CSMD1: variants seen among roughly 807,000 people sequenced by gnomAD.
The protein encoded by CSMD1 is CUB and sushi domain-containing protein 1.
A neutral mutation model predicts 417.5 loss-of-function variants in CSMD1; 213 were observed. The ratio of observed to expected loss-of-function variants is 0.51; its 90% CI spans 0.46 to 0.57. CSMD1 has a LOEUF of 0.57. CSMD1 is among the 20% of genes least tolerant of loss of function. The pLI is 0.00. For synonymous variants in CSMD1, 2,862 were observed against 1,736.8 expected (o/e 1.65, Z -16.11); for missense variants, 6,923 against 4,529.7 (o/e 1.53, Z -15.17).
intron 3 of CSMD1, among the ~76,000 whole-genome samples, chr8:4,082,298 A>G (rs902759067): frequency 1.6e-4 from 25 of 152,326 alleles, no homozygotes; most frequent in Middle Eastern, 3.4e-3. Flanking sequence ...GAGCAGACGT[A>G]TAAGAAAAAT....
chr8:4,023,886 G>A (rs1450711105), intron 4 of CSMD1, among the ~76,000 whole-genome samples: 1 of 147,752 alleles, frequency 6.8e-6, no homozygotes, highest in Admixed American at 7.0e-5. Context: ...CAAAGTGCTG[G>A]GATTACAGGC....
intron 26 of CSMD1, among the ~76,000 whole-genome samples, chr8:3,249,188 G>C (rs1190460359): frequency 4.6e-5 from 7 of 152,092 alleles, no homozygotes; most frequent in African/African-American, 1.7e-4. Flanking sequence ...ACGATATGAA[G>C]AATCAAGATG....
At chr8:4,117,490 C>T (rs954814337) in intron 3 of CSMD1, among the ~76,000 whole-genome samples, 3 of 152,254 alleles carry the variant, frequency 2.0e-5, no homozygotes, top group South Asian at 2.1e-4. Context: ...ACTCAATGTG[C>T]TATAAATCAT....
At chr8:3,461,506 T>G (rs982768723) in intron 12 of CSMD1, among the ~76,000 whole-genome samples, 4 of 152,154 alleles carry the variant, frequency 2.6e-5, no homozygotes, top group Non-Finnish European at 5.9e-5. Flanking sequence ...AGGAGCTGAT[T>G]GAGATCTCTG....
At chr8:4,578,041 C>G (rs1026119446) in intron 2 of CSMD1, among the ~76,000 whole-genome samples, 4 of 152,148 alleles carry the variant, frequency 2.6e-5, no homozygotes, top group Non-Finnish European at 5.9e-5. Context: ...GGACTGTGTA[C>G]TCATTAATGT....
At chr8:4,585,450 T>C (rs1419891170) in intron 2 of CSMD1, among the ~76,000 whole-genome samples, 1 of 151,958 alleles carries the variant, frequency 6.6e-6, no homozygotes, top group Non-Finnish European at 1.5e-5. Flanking sequence ...ATGGGCAAAA[T>C]AATAAATAAC....
At chr8:4,166,947 T>C (rs752067349) in intron 3 of CSMD1, among the ~76,000 whole-genome samples, 9 of 152,216 alleles carry the variant, frequency 5.9e-5, no homozygotes, top group Admixed American at 2.6e-4. Context: ...GTGGCCACCA[T>C]GTCAGACAGC....
At chr8:4,745,117 T>C (rs552034332) in intron 1 of CSMD1, among the ~76,000 whole-genome samples, 13 of 152,308 alleles carry the variant, frequency 8.5e-5, no homozygotes, top group South Asian at 2.1e-4. Flanking sequence ...TCAAAATCCA[T>C]ACATTTAAAT....
intron 3 of CSMD1, among the ~76,000 whole-genome samples, chr8:4,397,367 G>C (rs1459731278): frequency 1.3e-5 from 2 of 152,012 alleles, no homozygotes; most frequent in Admixed American, 6.6e-5. Context: ...AGTCGAAAAA[G>C]ATATAATCTT....
intron 5 of CSMD1, among the ~76,000 whole-genome samples, chr8:3,801,855 T>G (rs1800475867): frequency 6.6e-6 from 1 of 152,010 alleles, no homozygotes; most frequent in Admixed American, 6.6e-5. Context: ...TTAAAGTAAG[T>G]CAATGAAAAA....
chr8:4,647,946 T>C (rs1563367142), intron 1 of CSMD1, among the ~76,000 whole-genome samples: 1 of 152,222 alleles, frequency 6.6e-6, no homozygotes, highest in Non-Finnish European at 1.5e-5. Context: ...ATGGGATTGC[T>C]GGTCAAATGG....
chr8:4,862,974 C>G (rs942611950), intron 1 of CSMD1, among the ~76,000 whole-genome samples: 2 of 151,812 alleles, frequency 1.3e-5, no homozygotes, highest in African/African-American at 2.4e-5. Context: ...GTCAGGGTGC[C>G]CAAGAGGGAA....
chr8:4,530,293 C>A (rs1796737245), intron 2 of CSMD1, among the ~76,000 whole-genome samples: 1 of 118,274 alleles, frequency 8.5e-6, no homozygotes, highest in Admixed American at 9.4e-5. Context: ...ATATTGTTCA[C>A]AGTTTATCGT....
At chr8:4,746,945 G>C (rs893072044) in intron 1 of CSMD1, among the ~76,000 whole-genome samples, 1 of 152,164 alleles carries the variant, frequency 6.6e-6, no homozygotes, top group African/African-American at 2.4e-5. Context: ...TGATTCAAAT[G>C]CCATCCCAAA....
rs113797348 is a variant in CSMD1, at chr8:2,972,528, T to C, written c.8923+589A>G. Among the ~76,000 whole-genome samples the C allele has an allele frequency of 2.2e-3, 330 of 152,316 alleles. 1 individual carries two copies. The highest frequency in any genetic ancestry group is 7.6e-3 in the African/African-American group (315 of 41,574). On this transcript the variant is annotated intron_variant, in intron 57 of 69. Coordinates refer to ENST00000635120, the MANE Select transcript of CSMD1 (RefSeq NM_033225.6). ...CCTTTGCTTGAGGCTACATTTCTGATACACAGTGCAGTGTCTATAAGGTGT... is the reference window on the plus strand; with the variant it reads ...CCTTTGCTTGAGGCTACATTTCTGACACACAGTGCAGTGTCTATAAGGTGT...
intron 1 of CSMD1, among the ~76,000 whole-genome samples, chr8:4,777,287 T>C (rs1796902641): frequency 6.6e-6 from 1 of 152,290 alleles, no homozygotes; most frequent in African/African-American, 2.4e-5. Flanking sequence ...TAAGTCTAAT[T>C]GACTCAGTAG....
At chr8:3,529,192 C>G (rs1797876155) in intron 10 of CSMD1, among the ~76,000 whole-genome samples, 1 of 152,200 alleles carries the variant, frequency 6.6e-6, no homozygotes, top group East Asian at 1.9e-4. Flanking sequence ...CTGTTTGAAT[C>G]AGACTACCAA....
chr8:4,054,013 C>A (rs1798566739), intron 3 of CSMD1, among the ~76,000 whole-genome samples: 1 of 152,100 alleles, frequency 6.6e-6, no homozygotes, highest in African/African-American at 2.4e-5. Context: ...ATTGTTTTCC[C>A]CAACATGGCC....
At chr8:4,776,465 A>C (rs1334809854) in intron 1 of CSMD1, among the ~76,000 whole-genome samples, 1 of 152,180 alleles carries the variant, frequency 6.6e-6, no homozygotes, top group Admixed American at 6.6e-5. Context: ...ACTCGGGCTC[A>C]GAGAACAAGA....
Sources: allele counts gnomAD v4.1 joint callset (sites outside exome capture counted in the v4.1 genomes callset), GRCh38; gene constraint gnomAD v4.1.1; transcripts MANE v1.5; gene names NCBI Gene and HGNC (gene_info 2026-07-23, HGNC 2026-07-21).